Variants in PHYKPL observed in about 807,000 individuals in gnomAD.
PHYKPL encodes 5-phosphohydroxy-L-lysine phospho-lyase, also known as 5-phosphonooxy-L-lysine phospho-lyase.
In PHYKPL, 42 loss-of-function variants were observed where a neutral mutation model predicts 51.3. The observed-to-expected ratio is 0.82, with a 90% CI of 0.64 to 1.06. The LOEUF is 1.06. Ranked by LOEUF, PHYKPL falls within the 50% of genes least tolerant of loss-of-function variation. The pLI is 0.00. For synonymous variants in PHYKPL, 264 were observed against 236.0 expected (o/e 1.12, Z -1.09); for missense variants, 655 against 586.6 (o/e 1.12, Z -1.20).
At chr5:178,215,144 G>C in intron 9 of PHYKPL, 132 bp downstream of exon 9, 1 of 1,440,468 alleles carries the variant, frequency 6.9e-7, no homozygotes, top group South Asian at 1.2e-5. Context: ...TTGGGCAATA[G>C]CACCTCTCAG....
intron 12 of PHYKPL, chr5:178,211,249 T>TG (rs1758296743): frequency 6.5e-6 from 1 of 153,162 alleles, no homozygotes; most frequent in African/African-American, 2.4e-5. Flanking sequence ...GCCCTGGACT[T>TG]GGGGCTTTCT....
At chr5:178,225,609 A>G in intron 3 of PHYKPL, 180 bp from the exon 4 acceptor site, 1 of 614,638 alleles carries the variant, frequency 1.6e-6, no homozygotes, top group Non-Finnish European at 2.9e-6. Flanking sequence ...GCTGGGGGAA[A>G]AAGAGTAGGT....
intron 8 of PHYKPL, among the ~76,000 whole-genome samples, chr5:178,217,955 C>T (rs575329807): frequency 5.0e-4 from 75 of 151,072 alleles, no homozygotes; most frequent in African/African-American, 1.8e-3. Flanking sequence ...CGGTGGCTCA[C>T]GCCTGTAATC....
intron 12 of PHYKPL, 102 bp downstream of exon 12, chr5:178,211,786 CAA>C (rs567621837): frequency 5.5e-5 from 41 of 741,020 alleles, no homozygotes; most frequent in South Asian, 8.5e-5. Flanking sequence ...TCAGTCAGAA[CAA>C]AAAAAAGTCT....
chr5:178,211,880 G>C lies in PHYKPL; in HGVS notation c.*31+10C>G, dbSNP rs949130901. ...TGCATCTTCAAGAGTAAGAAGCAAGGCCCACTCACCTGGAGTACACTTAGG... is the reference window on the plus strand; with the variant it reads ...TGCATCTTCAAGAGTAAGAAGCAAGCCCCACTCACCTGGAGTACACTTAGG... On this transcript the variant is annotated intron_variant, in intron 12 of 12. Coordinates refer to ENST00000308158, the MANE Select transcript of PHYKPL (RefSeq NM_153373.4). The C allele has an allele frequency of 6.2e-7, 1 of 1,600,502 alleles. No individual in the cohort carries two copies. Among genetic ancestry groups the C allele is most frequent in the African/African-American group, 1.3e-5 (1 of 74,644 alleles).
At chr5:178,230,122 A>G in intron 2 of PHYKPL, 23 bp from the exon 3 acceptor site, 1 of 1,612,050 alleles carries the variant, frequency 6.2e-7, no homozygotes, top group Non-Finnish European at 8.5e-7. Flanking sequence ...CGCCTCCGTC[A>G]CACGGCTGGC....
intron 4 of PHYKPL, 115 bp downstream of exon 4, chr5:178,225,240 A>G (rs1762055286): frequency 1.7e-6 from 2 of 1,210,024 alleles, no homozygotes; most frequent in Non-Finnish European, 1.2e-6. Context: ...ACTTGTCTTC[A>G]GTAGCCCAGG....
At position 178,208,526 on chromosome 5, in the gene PHYKPL, A is replaced by G. The variant is rs1178452845; in HGVS notation, c.*421T>C. ...TTATATTCAGTATTTTTAATTTAGT[A>G]GGATAGAATATATCAGATTGCATTA... On this transcript the variant is annotated 3_prime_UTR_variant, in exon 13 of 13. Coordinates refer to ENST00000308158, the MANE Select transcript of PHYKPL (RefSeq NM_153373.4). The G allele has an allele frequency of 1.3e-5, 2 of 152,344 alleles. No homozygotes were observed. Among genetic ancestry groups the G allele is most frequent in the Admixed American group, 6.5e-5 (1 of 15,300 alleles). The allele number at this position is 152,344 out of a possible 1,614,324, so 9.4% of individuals were successfully genotyped here.
chr5:178,215,733 T>A (rs1759640843), intron 8 of PHYKPL: 2 of 327,076 alleles, frequency 6.1e-6, no homozygotes, highest in African/African-American at 4.4e-5. Flanking sequence ...GGCTAGTCTT[T>A]ACCAAGAGAG....
chr5:178,211,436 G>T, intron 12 of PHYKPL: 1 of 160,856 alleles, frequency 6.2e-6, no homozygotes, highest in South Asian at 1.7e-4. Flanking sequence ...GGACACCTTG[G>T]AACACCAACC....
chr5:178,220,721 C>CAAAAAAAAA (rs751171063), intron 8 of PHYKPL, among the ~76,000 whole-genome samples: 11 of 46,680 alleles, frequency 2.4e-4, no homozygotes, highest in Non-Finnish European at 3.8e-4. Context: ...TTCATAATTG[C>CAAAAAAAAA]AAAAAAAAAA....
intron 3 of PHYKPL, among the ~76,000 whole-genome samples, chr5:178,227,234 AAGAGACACC>A (rs775495387): frequency 4.3e-4 from 65 of 152,172 alleles, no homozygotes; most frequent in Non-Finnish European, 8.4e-4. Flanking sequence ...TGGACACACA[AAGAGACACC>A]AGGGACACCT....
Position 178,232,514 on chromosome 5 carries a change from C to A in PHYKPL, c.37G>T (p.Ala13Ser). ...TACCTGATGAGCCGTTGCCTCAGGGCCAGCGTGTCGGCCTTCGGGCGCTGG... is the reference window on the plus strand; with the variant it reads ...TACCTGATGAGCCGTTGCCTCAGGGACAGCGTGTCGGCCTTCGGGCGCTGG... ...ADQRPKADTL[A>S]LRQRLISSSC... Residue 13 changes from alanine (A) to serine (S), a missense_variant, in exon 1 of 13, where the codon GCC becomes TCC. Coordinates refer to ENST00000308158, the MANE Select transcript of PHYKPL (RefSeq NM_153373.4). 1 of 1,290,170 alleles carries A rather than the reference C, an allele frequency of 7.8e-7. No homozygotes were observed. The highest frequency in any genetic ancestry group is 3.5e-5 in the East Asian group (1 of 28,394). The allele number at this position is 1,290,170 out of a possible 1,614,324, so 79.9% of individuals were successfully genotyped here. A position where few individuals can be genotyped will look rare whatever the true frequency, so the allele number is the denominator to read the frequency against.
At chr5:178,215,969 C>T (rs72817296) in intron 8 of PHYKPL, 3,221 of 152,558 alleles carry the variant, frequency 0.021, 48 homozygotes, top group Non-Finnish European at 0.031. Flanking sequence ...CTGCAAACCA[C>T]GTTTTTTGTT....
intron 3 of PHYKPL, chr5:178,225,974 C>T (rs916085020): frequency 1.3e-5 from 2 of 156,904 alleles, no homozygotes; most frequent in African/African-American, 4.8e-5. Context: ...GAGATGGGGT[C>T]TCACTATATT....
chr5:178,207,319 T>C, downstream of PHYKPL: 2 of 1,466,742 alleles, frequency 1.4e-6, no homozygotes, highest in Non-Finnish European at 1.9e-6. Flanking sequence ...GCAGGAGCTC[T>C]CCAGGTTGGT....
chr5:178,231,511 T>C lies in PHYKPL; in HGVS notation c.72A>G (p.Arg24=). Residue 24 remains arginine, a synonymous_variant, in exon 2 of 13, where the codon AGA becomes AGG. Coordinates refer to ENST00000308158, the MANE Select transcript of PHYKPL (RefSeq NM_153373.4). ...TAACAGGATCCTCGGGAAAAAAGAG[T>C]CTGCAGGAAGAGCTGTGGGGACAGG... is the stretch of plus-strand genomic sequence containing the variant. ...LRQRLISSSC[R]LFFPEDPVKI... 1 of 1,613,724 alleles carries C rather than the reference T, an allele frequency of 6.2e-7. No homozygotes were observed. Among genetic ancestry groups the C allele is most frequent in the South Asian group, 1.1e-5 (1 of 91,056 alleles).
chr5:178,212,944 A>C (rs1758923007), intron 11 of PHYKPL, 29 bp downstream of exon 11: 5 of 1,612,342 alleles, frequency 3.1e-6, no homozygotes, highest in Non-Finnish European at 4.2e-6. Flanking sequence ...AGTTCTAGAG[A>C]TATGGCCAAG....
rs1281640424 is a variant in PHYKPL, at chr5:178,232,516, A to G, written c.35T>C (p.Leu12Pro). Residue 12 changes from leucine (L) to proline (P), a missense_variant, in exon 1 of 13, where the codon CTG becomes CCG. By Grantham distance (98) the Leu-to-Pro change is moderately conservative. Transcript: ENST00000308158. The stretch of plus-strand genomic sequence containing the variant: ...CCTGATGAGCCGTTGCCTCAGGGCC[A>G]GCGTGTCGGCCTTCGGGCGCTGGTC... Reference protein sequence around the residue: ...AADQRPKADTLALRQRLISSS... With the variant: ...AADQRPKADTPALRQRLISSS... 1 of 1,152,298 alleles carries G rather than the reference A, an allele frequency of 8.7e-7. No homozygotes were observed. The highest frequency in any genetic ancestry group is 1.1e-6 in the Non-Finnish European group (1 of 936,934). The allele number at this position is 1,152,298 out of a possible 1,614,324, so 71.4% of individuals were successfully genotyped here. A position where few individuals can be genotyped will look rare whatever the true frequency, so the allele number is the denominator to read the frequency against.
Sources: gnomAD v4.1 joint callset for allele counts (sites outside exome capture counted in the v4.1 genomes callset) on GRCh38, gnomAD v4.1.1 for gene constraint, MANE v1.5 for transcripts, NCBI Gene and HGNC (gene_info 2026-07-23, HGNC 2026-07-21) for gene names.